DSCAM: variants seen among roughly 807,000 people sequenced by gnomAD.
DSCAM encodes DS cell adhesion molecule.
Under a neutral mutation model 217.7 loss-of-function variants are expected in DSCAM, and 47 were observed. That is an observed-to-expected ratio of 0.22 (90% CI 0.17 to 0.28). The LOEUF is 0.28. DSCAM is among the 10% of genes least tolerant of loss of function. The pLI, the probability that DSCAM is intolerant of heterozygous loss-of-function variation, is 1.00. For missense variants in DSCAM, 2,080 were observed against 2,618.3 expected (o/e 0.79, Z 4.49); for synonymous variants, 1,056 against 1,015.3 (o/e 1.04, Z -0.76).
intron 20 of DSCAM, among the ~76,000 whole-genome samples, chr21:40,101,610 C>G (rs1473528306): frequency 2.6e-5 from 4 of 152,150 alleles, no homozygotes; most frequent in Non-Finnish European, 5.9e-5. Flanking sequence ...TTGGGGAATC[C>G]TGCTCTACCG....
intron 10 of DSCAM, among the ~76,000 whole-genome samples, chr21:40,285,054 C>A (rs1479552707): frequency 1.3e-5 from 2 of 151,582 alleles, no homozygotes; most frequent in Non-Finnish European, 1.5e-5. Context: ...CATAAGAATC[C>A]TTTTTTTTTA....
chr21:40,153,893 G>A (rs1176781543), intron 16 of DSCAM, among the ~76,000 whole-genome samples: 2 of 152,150 alleles, frequency 1.3e-5, no homozygotes, highest in Admixed American at 6.5e-5. Context: ...CATTTCTCAG[G>A]TTAGCCAGTA....
At chr21:40,301,591 A>C (rs547687331) in intron 9 of DSCAM, among the ~76,000 whole-genome samples, 1 of 152,298 alleles carries the variant, frequency 6.6e-6, no homozygotes, top group South Asian at 2.1e-4. Flanking sequence ...TTAATTACTT[A>C]CCATAGCCTT....
chr21:40,514,232 A>G (rs1379052136), intron 3 of DSCAM, among the ~76,000 whole-genome samples: 3 of 152,242 alleles, frequency 2.0e-5, no homozygotes, highest in African/African-American at 7.2e-5. Flanking sequence ...AAGCTGTTGC[A>G]GAGCCCTGCA....
intron 3 of DSCAM, among the ~76,000 whole-genome samples, chr21:40,485,118 C>T (rs997321942): frequency 6.6e-6 from 1 of 152,106 alleles, no homozygotes. Context: ...TCACTGACAA[C>T]ACAAGACTCA....
At chr21:40,338,002 A>G in intron 8 of DSCAM, 99 bp downstream of exon 8, 1 of 1,440,628 alleles carries the variant, frequency 6.9e-7, no homozygotes, top group Non-Finnish European at 9.6e-7. Context: ...ATCCTGCTCT[A>G]AATAAGCAGA....
intron 3 of DSCAM, among the ~76,000 whole-genome samples, chr21:40,562,497 CCACT>C (rs1192111016): frequency 5.3e-5 from 8 of 152,208 alleles, no homozygotes; most frequent in Non-Finnish European, 1.0e-4. Flanking sequence ...CCTAGACACA[CCACT>C]CACTCAGAGA....
intron 1 of DSCAM, among the ~76,000 whole-genome samples, chr21:40,711,155 GTCCCC>G (rs2090775461): frequency 6.6e-6 from 1 of 152,188 alleles, no homozygotes; most frequent in Admixed American, 6.5e-5. Context: ...TGGCATAACA[GTCCCC>G]CCTCATTTGT....
intron 1 of DSCAM, among the ~76,000 whole-genome samples, chr21:40,756,514 C>T (rs1355666240): frequency 6.6e-6 from 1 of 152,126 alleles, no homozygotes; most frequent in Admixed American, 6.5e-5. Context: ...GCCTCAGCCT[C>T]CCAAGTAGCT....
chr21:40,763,309 A>G (rs1008267297), intron 1 of DSCAM, among the ~76,000 whole-genome samples: 2 of 152,194 alleles, frequency 1.3e-5, no homozygotes, highest in African/African-American at 4.8e-5. Flanking sequence ...ATAGACAAGC[A>G]GAGAACTAAA....
At chr21:40,105,449 G>C (rs1025935401) in intron 20 of DSCAM, among the ~76,000 whole-genome samples, 5 of 152,162 alleles carry the variant, frequency 3.3e-5, no homozygotes, top group Admixed American at 6.5e-5. Context: ...CCCTCATGCT[G>C]TTCTTGTGAC....
chr21:40,221,780 C>T (rs2091291222), intron 11 of DSCAM, among the ~76,000 whole-genome samples: 2 of 152,142 alleles, frequency 1.3e-5, no homozygotes, highest in Admixed American at 6.5e-5. Flanking sequence ...CAAAAACAAA[C>T]GTGGCAGCTT....
intron 16 of DSCAM, among the ~76,000 whole-genome samples, chr21:40,150,704 C>A (rs1347240629): frequency 6.6e-6 from 1 of 152,128 alleles, no homozygotes; most frequent in Non-Finnish European, 1.5e-5. Context: ...TGCATAAGAT[C>A]CTTAACTGGA....
At chr21:40,374,465 T>G (rs929275275) in intron 3 of DSCAM, among the ~76,000 whole-genome samples, 10 of 152,168 alleles carry the variant, frequency 6.6e-5, no homozygotes, top group Non-Finnish European at 1.3e-4. Context: ...ATTCTGCCAT[T>G]TGGAGCTATT....
chr21:40,663,046 AGTGTGTGTGTGTGCGCACCT>A (rs1253978597), intron 3 of DSCAM, among the ~76,000 whole-genome samples: 1 of 114,966 alleles, frequency 8.7e-6, no homozygotes, highest in East Asian at 3.3e-4. Context: ...TGCACATGTG[AGTGTGTGTGTGTGCGCACCT>A]GTGTGTATGC....
intron 3 of DSCAM, among the ~76,000 whole-genome samples, chr21:40,378,252 T>G (rs1356281725): frequency 6.6e-6 from 1 of 152,142 alleles, no homozygotes; most frequent in Admixed American, 6.5e-5. Flanking sequence ...CTTGAACAAA[T>G]CAATGTAAAT....
chr21:40,656,910 G>A (rs926217011), intron 3 of DSCAM, among the ~76,000 whole-genome samples: 4 of 152,080 alleles, frequency 2.6e-5, no homozygotes, highest in African/African-American at 7.2e-5. Context: ...TTTCTTCACT[G>A]GACAAAAAAT....
At chr21:40,539,221 A>G (rs1454942670) in intron 3 of DSCAM, among the ~76,000 whole-genome samples, 2 of 152,150 alleles carry the variant, frequency 1.3e-5, no homozygotes, top group Non-Finnish European at 2.9e-5. Flanking sequence ...TGGGATTTCC[A>G]TGGCTGGGCG....
chr21:40,743,298 T>G (rs1018443140), intron 1 of DSCAM, among the ~76,000 whole-genome samples: 9 of 152,162 alleles, frequency 5.9e-5, no homozygotes, highest in Non-Finnish European at 1.2e-4. Context: ...GACTCCCCAT[T>G]CAATACCATC....
Sources: allele counts gnomAD v4.1 joint callset (sites outside exome capture counted in the v4.1 genomes callset), GRCh38; gene constraint gnomAD v4.1.1; transcripts MANE v1.5; gene names NCBI Gene and HGNC (gene_info 2026-07-23, HGNC 2026-07-21).